PER1: variants seen among roughly 807,000 people sequenced by gnomAD.
PER1 encodes period circadian regulator 1.
A neutral mutation model predicts 125.9 loss-of-function variants in PER1; 87 were observed. The ratio of observed to expected loss-of-function variants is 0.69; its 90% CI spans 0.58 to 0.83. The LOEUF is 0.83. PER1 is among the 40% of genes least tolerant of loss of function. The pLI is 0.00. For synonymous variants in PER1, 801 were observed against 714.7 expected, an observed-to-expected ratio of 1.12 and a Z score of -1.93; for missense variants, 1,775 against 1,722.8, an observed-to-expected ratio of 1.03 and a Z score of -0.54.
chr17:8,147,840 G>T lies in PER1; in HGVS notation c.1235-13C>A, dbSNP rs1982557885. Reference sequence around the variant, plus strand: ...GCCAACTGCAGAACTGATGGAAGTGGGAAAGGAGGAGCGGTCAAAGGGAGG... The same window carrying T: ...GCCAACTGCAGAACTGATGGAAGTGTGAAAGGAGGAGCGGTCAAAGGGAGG... On this transcript the variant is annotated splice_polypyrimidine_tract_variant and intron_variant, in intron 10 of 22. Transcript: ENST00000317276. 1 of 1,613,596 alleles carries T rather than the reference G, an allele frequency of 6.2e-7. No individual in the cohort carries two copies. Among genetic ancestry groups the T allele is most frequent in the African/African-American group, 1.3e-5 (1 of 75,064 alleles).
intron 7 of PER1, 146 bp from the exon 8 acceptor site, chr17:8,148,932 T>A: frequency 1.1e-6 from 1 of 924,970 alleles, no homozygotes; most frequent in Non-Finnish European, 1.6e-6. Flanking sequence ...CTCACGCCTT[T>A]AATCCCAGCA....
Position 8,149,783 on chromosome 17 carries a change from A to T in PER1, c.623T>A (p.Ile208Asn). Reference protein sequence around the residue: ...STYTLEELEHITSEYTLQNQD... With the variant: ...STYTLEELEHNTSEYTLQNQD... Reference sequence around the variant, plus strand: ...GTTCTGAAGTGTGTACTCAGACGTGATGTGCTCCAGCTCCTCCAGGGTATA... The same window carrying T: ...GTTCTGAAGTGTGTACTCAGACGTGTTGTGCTCCAGCTCCTCCAGGGTATA... Residue 208 changes from isoleucine (I) to asparagine (N), a missense_variant, in exon 5 of 23, where the codon ATC becomes AAC. By Grantham distance (149) the Ile-to-Asn change is moderately radical. Transcript: ENST00000317276. 1.2e-6 allele frequency: 2 copies of T among 1,613,346 alleles called. No homozygotes were observed. The highest frequency in any genetic ancestry group is 1.7e-6 in the Non-Finnish European group (2 of 1,180,002).
Position 8,143,574 on chromosome 17 carries a change from C to T in PER1, c.2764G>A (p.Val922Met). The change falls in exon 19 of 23, where the codon GTG becomes ATG. Residue 922 changes from valine (V) to methionine (M), a missense_variant. Coordinates refer to ENST00000317276, the MANE Select transcript of PER1 (RefSeq NM_002616.3). ...GTTGGGAACAGATAGTTAGGGAGCACCAAGGCCACCATTGGGGTCACCAAA... is the reference window on the plus strand; with the variant it reads ...GTTGGGAACAGATAGTTAGGGAGCATCAAGGCCACCATTGGGGTCACCAAA... ...APLVTPMVAL[V>M]LPNYLFPTPS... 6.8e-7 allele frequency: 1 copy of T among 1,468,358 alleles called. No individual in the cohort carries two copies. Among genetic ancestry groups the T allele is most frequent in the Non-Finnish European group, 9.1e-7 (1 of 1,104,574 alleles). 91.0% of individuals were successfully genotyped at this position (1,468,358 alleles called of 1,614,324 possible). A position where few individuals can be genotyped will look rare whatever the true frequency, so the allele number is the denominator to read the frequency against.
Position 8,147,347 on chromosome 17 carries a change from CCA to C in PER1, c.1530_1531del (p.Cys510TrpfsTer19). 1 of 1,613,764 alleles carries C rather than the reference CCA, an allele frequency of 6.2e-7. No individual in the cohort carries two copies. The highest frequency in any genetic ancestry group is 8.5e-7 in the Non-Finnish European group (1 of 1,179,968). On this transcript the variant is annotated frameshift_variant, in exon 13 of 23. Transcript: ENST00000317276. LOFTEE classifies it high-confidence loss of function. The stretch of plus-strand genomic sequence containing the variant: ...GCCTGGGGATGTCACGGCGCCGACT[CCA>C]CAGAGTCCCGTGGGGCTGGGGCTGT...
Position 8,150,721 on chromosome 17 carries a change from G to A in PER1, c.-15C>T, listed in dbSNP as rs199561971. ...GGGCCACTCATGTCTGGGCCATGGG[G>A]AGAACAGAACAGAGAAGGCAGAGAG... is the stretch of plus-strand genomic sequence containing the variant. On this transcript the variant is annotated 5_prime_UTR_variant, in exon 2 of 23. Coordinates refer to ENST00000317276, the MANE Select transcript of PER1 (RefSeq NM_002616.3). 7 of 1,530,654 alleles carry A rather than the reference G, an allele frequency of 4.6e-6. No homozygotes were observed. Among genetic ancestry groups the A allele is most frequent in the Non-Finnish European group, 6.1e-6 (7 of 1,147,802 alleles). 94.8% of individuals were successfully genotyped at this position (1,530,654 alleles called of 1,614,324 possible).
chr17:8,147,307 A>G lies in PER1; in HGVS notation c.1572T>C (p.Pro524=). The G allele has an allele frequency of 6.2e-7, 1 of 1,613,534 alleles. No homozygotes were observed. The highest frequency in any genetic ancestry group is 8.5e-7 in the Non-Finnish European group (1 of 1,179,840). Residue 524 remains proline (P), a synonymous_variant, in exon 13 of 23, where the codon CCT becomes CCC. Transcript: ENST00000317276. ...AVTSPGPLHS[P]GSSSDSNGGD... Reference sequence around the variant, plus strand: ...CCCCGTTGCTATCACTGGAGGACCCAGGGCTGTGGAGAGGGCCTGGGGATG... The same window carrying G: ...CCCCGTTGCTATCACTGGAGGACCCGGGGCTGTGGAGAGGGCCTGGGGATG...
chr17:8,141,893 GGCT>G lies in PER1; in HGVS notation c.3509_3511del (p.Gln1170del), dbSNP rs1568022883. On this transcript the variant is annotated inframe_deletion, in exon 22 of 23. Transcript: ENST00000317276. ...CCGCCGCTGGTCCTCAGAAAACCGAGGCTGCTGCTTCTGCATGGCTCGGAGCCG... is the reference window on the plus strand; with the variant it reads ...CCGCCGCTGGTCCTCAGAAAACCGAGGCTGCTTCTGCATGGCTCGGAGCCG... 1 of 1,614,164 alleles carries G rather than the reference GGCT, an allele frequency of 6.2e-7. No individual in the cohort carries two copies. The highest frequency in any genetic ancestry group is 1.1e-5 in the South Asian group (1 of 91,084).
chr17:8,142,760 C>A lies in PER1; in HGVS notation c.3148G>T (p.Asp1050Tyr). The change falls in exon 20 of 23, where the codon GAC becomes TAC. Residue 1050 changes from aspartate to tyrosine, a missense_variant. Transcript: ENST00000317276. ...SDLLELLLQE[D>Y]SRSGTGSAAS... The stretch of plus-strand genomic sequence containing the variant: ...GCGGAGCCTGTGCCGGAGCGCGAGT[C>A]CTCTTGCAGCAGAAGTTCGAGCAGG... 6.2e-7 allele frequency: 1 copy of A among 1,613,846 alleles called. No homozygotes were observed. Among genetic ancestry groups the A allele is most frequent in the Non-Finnish European group, 8.5e-7 (1 of 1,179,998 alleles).
At chr17:8,144,350 C>T (rs113342137) in intron 18 of PER1, 1 of 416,052 alleles carries the variant, frequency 2.4e-6, no homozygotes. Context: ...CTCCCTCAGG[C>T]ACCTGGAGGG....
intron 18 of PER1, 163 bp downstream of exon 18, chr17:8,144,588 T>G (rs1009492809): frequency 9.9e-6 from 9 of 904,656 alleles, no homozygotes; most frequent in Non-Finnish European, 1.5e-5. Flanking sequence ...CCCATCCTAG[T>G]GGGGAGAAGC....
In PER1 at chr17:8,146,664, C is replaced by A; in HGVS notation, c.1837G>T (p.Glu613Ter). 2 of 1,613,926 alleles carry A rather than the reference C, an allele frequency of 1.2e-6. No individual in the cohort carries two copies. The highest frequency in any genetic ancestry group is 1.7e-6 in the Non-Finnish European group (2 of 1,180,016). ...PVQAPLALVP[E>*]EAERKEASSC... is the part of the protein sequence containing the mutation. ...GAGGCTTCTTTCCTCTCGGCCTCCT[C>A]AGGGACCAAGGCTAGTGGGGCCTGG... is the stretch of plus-strand genomic sequence containing the variant. The change falls in exon 15 of 23, where the codon GAG becomes TAG. Residue 613 changes from glutamate (E) to a stop codon, truncating the protein, a stop_gained. Transcript: ENST00000317276. LOFTEE classifies it high-confidence loss of function.
In PER1 at chr17:8,143,392, G is replaced by C. The variant is rs1251243398; in HGVS notation, c.2946C>G (p.Leu982=). Residue 982 remains leucine, a synonymous_variant, in exon 19 of 23, where the codon CTC becomes CTG. Transcript: ENST00000317276. ...PLFNSRCSSP[L]QLNLLQLEEL... ...CCTCCAGCTGCAGCAGATTGAGCTG[G>C]AGTGGAGAGCTGCATCTCGAGTTGA... 6.2e-7 allele frequency: 1 copy of C among 1,613,730 alleles called. No homozygotes were observed. The highest frequency in any genetic ancestry group is 8.5e-7 in the Non-Finnish European group (1 of 1,179,842).
chr17:8,146,122 G>C lies in PER1; in HGVS notation c.2054C>G (p.Ala685Gly), dbSNP rs748187060. 1.9e-6 allele frequency: 3 copies of C among 1,604,806 alleles called. No individual in the cohort carries two copies. Among genetic ancestry groups the C allele is most frequent in the Non-Finnish European group, 2.6e-6 (3 of 1,175,562 alleles). ...TGGGGTGGCCCCCTCCCCAGACAGC[G>C]CTGCTGACGGCGGATCTGTGCAGAG... The part of the protein sequence containing the change: ...VGTKKDPPSA[A>G]LSGEGATPRK... Residue 685 changes from alanine to glycine, a missense_variant, in exon 17 of 23, where the codon GCG becomes GGG. Transcript: ENST00000317276.
Position 8,150,256 on chromosome 17 carries a change from T to C in PER1, c.337A>G (p.Ser113Gly), listed in dbSNP as rs758766033. 2 of 1,573,956 alleles carry C rather than the reference T, an allele frequency of 1.3e-6. No individual in the cohort carries two copies. Among genetic ancestry groups the C allele is most frequent in the Non-Finnish European group, 1.7e-6 (2 of 1,156,214 alleles). Residue 113 changes from serine (S) to glycine (G), a missense_variant, in exon 3 of 23, where the codon AGC (serine) becomes GGC (glycine). Ser to Gly is a moderately conservative substitution (Grantham distance 56). Transcript: ENST00000317276. ...SSIAYSLLSA[S>G]SEQDNPSTSG... ...GTGGACGGGTTGTCCTGCTCTGAGC[T>C]GGCACTCAGGAGGCTGTAGGCAATG...
chr17:8,143,713 G>A lies in PER1; in HGVS notation c.2625C>T (p.Thr875=), dbSNP rs371541762. ...STPWPTPPAT[T]PFPAVVQPYP... ...AGGGCTGGACAACCGCTGGGAAGGG[G>A]GTAGTGGCTGGTGGGGTGGGCCAGG... Residue 875 remains threonine, a synonymous_variant, in exon 19 of 23, where the codon ACC becomes ACT. Coordinates refer to ENST00000317276, the MANE Select transcript of PER1 (RefSeq NM_002616.3). The A allele has an allele frequency of 2.9e-5, 44 of 1,527,498 alleles. No individual in the cohort carries two copies. In the African/African-American group the frequency reaches 5.5e-4, roughly 19 times the overall value. 94.6% of individuals were successfully genotyped at this position (1,527,498 alleles called of 1,614,324 possible). A position where few individuals can be genotyped will look rare whatever the true frequency, so the allele number is the denominator to read the frequency against.
In PER1 at chr17:8,142,633, G is replaced by A. The variant is rs1311314900; in HGVS notation, c.3259+16C>T. 3 of 1,612,452 alleles carry A rather than the reference G, an allele frequency of 1.9e-6. No homozygotes were observed. In the South Asian group the frequency reaches 3.3e-5, roughly 18 times the overall value. The stretch of plus-strand genomic sequence containing the variant: ...CACTGCCCTACCCTGGGAGATGCTG[G>A]AGGCGGGGTACTCACGAGTGATGCT... On this transcript the variant is annotated intron_variant, in intron 20 of 22. Coordinates refer to ENST00000317276, the MANE Select transcript of PER1 (RefSeq NM_002616.3).
At chr17:8,149,390 G>A (rs758265050) in intron 6 of PER1, 72 bp downstream of exon 6, 2 of 1,605,724 alleles carry the variant, frequency 1.2e-6, no homozygotes, top group South Asian at 2.2e-5. Flanking sequence ...GGAAAGTCTG[G>A]GTTCCCCGGC....
chr17:8,143,168 TGAGACGCCAGCCTGGCAGAGACAG>T, intron 19 of PER1, 74 bp downstream of exon 19: 1 of 930,852 alleles, frequency 1.1e-6, no homozygotes, highest in Non-Finnish European at 1.5e-6. Flanking sequence ...TCCTGGAGGC[TGAGACGCCAGCCTGGCAGAGACAG>T]CAGGCAGCAC....
intron 21 of PER1, 88 bp from the exon 22 acceptor site, chr17:8,142,043 C>G: frequency 6.5e-7 from 1 of 1,535,880 alleles, no homozygotes; most frequent in Middle Eastern, 1.8e-4. Flanking sequence ...TCTACCACAG[C>G]TTCCCACCTC....
Sources: allele counts gnomAD v4.1 joint callset, GRCh38; gene constraint gnomAD v4.1.1; transcripts MANE v1.5; gene names NCBI Gene and HGNC (gene_info 2026-07-23, HGNC 2026-07-21).